SBNO2: variants seen among roughly 807,000 people sequenced by gnomAD.
SBNO2 encodes protein strawberry notch homolog 2.
SBNO2 carries 89 observed loss-of-function variants against 146.3 expected under a neutral mutation model. That is an observed-to-expected ratio of 0.61 (90% CI 0.51 to 0.73). The LOEUF is 0.73. Among genes scored for constraint, SBNO2 ranks in the 30% least tolerant of loss-of-function variants. SBNO2 has a pLI of 0.00. For missense variants in SBNO2, 2,092 were observed against 2,003.7 expected (o/e 1.04, Z -0.84); for synonymous variants, 1,147 against 892.6 (o/e 1.29, Z -5.08).
intron 1 of SBNO2, among the ~76,000 whole-genome samples, chr19:1,162,922 C>T (rs1394102387): frequency 6.6e-6 from 1 of 152,192 alleles, no homozygotes; most frequent in Non-Finnish European, 1.5e-5. Context: ...GTTGGGGCTG[C>T]AGGGCCACCA....
At chr19:1,115,044 C>T (rs1230784537) in intron 17 of SBNO2, among the ~76,000 whole-genome samples, 7 of 152,096 alleles carry the variant, frequency 4.6e-5, no homozygotes, top group African/African-American at 1.7e-4. Context: ...ATTCCCCTGC[C>T]TCAGCCTCCT....
rs1410608503 is a variant in SBNO2, at chr19:1,110,902, G to A, written c.2885-14C>T. 3 of 1,612,624 alleles carry A rather than the reference G, an allele frequency of 1.9e-6. No individual in the cohort carries two copies. Among genetic ancestry groups the A allele is most frequent in the Middle Eastern group, 1.6e-4 (1 of 6,078 alleles). ...TGATGGAACAGTCTGGTAGGGGAGGGAGCCAAGCCTCAGGCTGCGCTGGGA... is the reference window on the plus strand; with the variant it reads ...TGATGGAACAGTCTGGTAGGGGAGGAAGCCAAGCCTCAGGCTGCGCTGGGA... On this transcript the variant is annotated splice_polypyrimidine_tract_variant and intron_variant, in intron 25 of 31. Transcript: ENST00000361757. This position sits in a 1 kb window ranked among gnomAD's most constrained non-coding sequence, Gnocchi z 4.9.
intron 14 of SBNO2, among the ~76,000 whole-genome samples, chr19:1,118,650 C>T (rs1360627654): frequency 1.3e-5 from 2 of 152,234 alleles, no homozygotes; most frequent in African/African-American, 4.8e-5. Context: ...GGGCAGATCA[C>T]TTGCGGTCAG....
intron 1 of SBNO2, among the ~76,000 whole-genome samples, chr19:1,171,937 A>G (rs2145366966): frequency 6.6e-6 from 1 of 152,274 alleles, no homozygotes; most frequent in East Asian, 1.9e-4. Context: ...ACCAAGAGTG[A>G]ATGGATGAAC....
chr19:1,164,415 AG>A (rs1405329392), intron 1 of SBNO2, among the ~76,000 whole-genome samples: 1 of 76,694 alleles, frequency 1.3e-5, no homozygotes, highest in Non-Finnish European at 2.5e-5. Flanking sequence ...GAGGAGGAGG[AG>A]GAACAGGAGG....
At chr19:1,130,812 G>A (rs1470054519) in intron 4 of SBNO2, among the ~76,000 whole-genome samples, 1 of 152,156 alleles carries the variant, frequency 6.6e-6, no homozygotes. Context: ...AAATAAAAGT[G>A]AAAGTCTAAT....
At position 1,108,094 on chromosome 19, in the gene SBNO2, G is replaced by A. The variant is rs2079693532; in HGVS notation, c.*126C>T. On this transcript the variant is annotated 3_prime_UTR_variant, in exon 32 of 32. Transcript: ENST00000361757. Reference sequence around the variant, plus strand: ...GTGGGGGCCCGGGTCGGGCGCTGAAGGCACTGCGGCCAGGGCCTAGGGCTC... The same window carrying A: ...GTGGGGGCCCGGGTCGGGCGCTGAAAGCACTGCGGCCAGGGCCTAGGGCTC... The A allele has an allele frequency of 5.4e-6, 6 of 1,105,744 alleles. No individual in the cohort carries two copies. The South Asian group carries it at 7.8e-5, about 14-fold the overall frequency. The allele number at this position is 1,105,744 out of a possible 1,614,324, so 68.5% of individuals were successfully genotyped here.
chr19:1,124,064 G>A (rs1410695668), intron 5 of SBNO2, 42 bp from the exon 6 acceptor site: 4 of 1,579,294 alleles, frequency 2.5e-6, no homozygotes, highest in Admixed American at 3.5e-5. Flanking sequence ...AGACGGGACA[G>A]GTCACAGCTG....
chr19:1,132,071 C>G, intron 4 of SBNO2: 1 of 1,517,246 alleles, frequency 6.6e-7, no homozygotes. Flanking sequence ...CCTCGCCCGC[C>G]CCGGGAAGGG....
intron 18 of SBNO2, 72 bp from the exon 19 acceptor site, chr19:1,113,776 C>A (rs752756504): frequency 1.7e-4 from 241 of 1,393,412 alleles, no homozygotes; most frequent in Non-Finnish European, 2.2e-4. Context: ...TCAAGGCTGG[C>A]CCCTGGAGGG....
At chr19:1,114,210 C>G in intron 18 of SBNO2, 21 bp downstream of exon 18, 1 of 1,425,586 alleles carries the variant, frequency 7.0e-7, no homozygotes, top group Non-Finnish European at 9.2e-7. Context: ...AGGTGGCTGG[C>G]CAGCCTGGGC....
intron 24 of SBNO2, 120 bp downstream of exon 24, chr19:1,111,386 T>C: frequency 1.0e-5 from 8 of 765,824 alleles, no homozygotes; most frequent in Non-Finnish European, 1.7e-5. Context: ...TCTGTCCGTG[T>C]GTGGGGAGGG....
At chr19:1,128,397 ATTTT>A (rs776481147) in intron 4 of SBNO2, 5 of 253,142 alleles carry the variant, frequency 2.0e-5, no homozygotes, top group South Asian at 1.3e-4. Context: ...ACATCATTTC[ATTTT>A]TTTTTTTTTG....
At chr19:1,115,676 G>A (rs1439368097) in intron 17 of SBNO2, 14 of 400,986 alleles carry the variant, frequency 3.5e-5, no homozygotes, top group Non-Finnish European at 4.6e-6. Flanking sequence ...CAGAAGCCTG[G>A]GGGTTATCAA....
chr19:1,134,644 T>C (rs2080069301), intron 4 of SBNO2, among the ~76,000 whole-genome samples: 1 of 151,800 alleles, frequency 6.6e-6, no homozygotes, highest in Admixed American at 6.6e-5. Flanking sequence ...GGGGTGGGGA[T>C]GGGCTGGGGA....
rs1426367815 is a variant in SBNO2, at chr19:1,157,557, C to A, written c.-126-3155G>T. 7.4e-6 allele frequency among the ~76,000 whole-genome samples: 1 copy of A among 135,024 alleles called. No homozygotes were observed. The highest frequency in any genetic ancestry group is 1.6e-5 in the Non-Finnish European group (1 of 62,542). The allele number at this position is 135,024 out of a possible 152,430, so 88.6% of individuals were successfully genotyped here. On this transcript the variant is annotated intron_variant, in intron 1 of 31. Coordinates refer to ENST00000361757, the MANE Select transcript of SBNO2 (RefSeq NM_014963.3). This position sits in a 1 kb window ranked among gnomAD's most constrained non-coding sequence, Gnocchi z 6.8. ...CGCGAGTCCCATGACTGGAGGGATG[C>A]GTGGTGTGGGGGTTGGGGGGGCGGG... is the stretch of plus-strand genomic sequence containing the variant.
At chr19:1,118,269 C>T (rs1376892769) in intron 14 of SBNO2, among the ~76,000 whole-genome samples, 5 of 151,748 alleles carry the variant, frequency 3.3e-5, no homozygotes, top group Non-Finnish European at 5.9e-5. Context: ...ATCTGGTAGG[C>T]GGAGGTTGCG....
At chr19:1,125,358 CAAAAA>C (rs35572800) in intron 5 of SBNO2, among the ~76,000 whole-genome samples, 1 of 53,152 alleles carries the variant, frequency 1.9e-5, no homozygotes, top group Non-Finnish European at 3.7e-5. Context: ...GACTCCATCT[CAAAAA>C]AAAAAAAAAA....
chr19:1,122,017 C>A, intron 11 of SBNO2, 122 bp downstream of exon 11: 3 of 527,598 alleles, frequency 5.7e-6, no homozygotes, highest in Non-Finnish European at 5.4e-6. Flanking sequence ...TCCGCTCCTA[C>A]CCTCTCCCAT....
Sources: gnomAD v4.1 joint callset for allele counts (sites outside exome capture counted in the v4.1 genomes callset) on GRCh38, gnomAD v4.1.1 for gene constraint, Gnocchi (gnomAD v3.1) non-coding constraint, MANE v1.5 for transcripts, NCBI Gene and HGNC (gene_info 2026-07-23, HGNC 2026-07-21) for gene names.